Variants in SATB1 observed in about 807,000 individuals in gnomAD.
SATB1 encodes the protein SATB homeobox 1.
In SATB1, 11 loss-of-function variants were observed where a neutral mutation model predicts 86.9. The observed-to-expected ratio is 0.13, with a 90% CI of 0.08 to 0.21. The LOEUF is 0.21. Among genes scored for constraint, SATB1 ranks in the 10% least tolerant of loss-of-function variants. The pLI is 1.00. For synonymous variants in SATB1, 357 were observed against 357.2 expected (o/e 1.00, Z 0.01); for missense variants, 551 against 937.6 (o/e 0.59, Z 5.39).
chr3:18,355,469 CAAGTGATA>C (rs1439692474), intron 9 of SATB1, among the ~76,000 whole-genome samples: 6 of 151,944 alleles, frequency 3.9e-5, no homozygotes, highest in African/African-American at 1.4e-4. Context: ...CAGTTTTCCA[CAAGTGATA>C]TTGTTAGAAC....
chr3:18,431,471 T>C (rs1001727625), intron 2 of SATB1, among the ~76,000 whole-genome samples: 2 of 152,154 alleles, frequency 1.3e-5, no homozygotes, highest in Non-Finnish European at 2.9e-5. Flanking sequence ...CCTTTGACAG[T>C]CTTAGGACGT....
chr3:18,440,989 T>TA (rs1215436683), upstream of SATB1, among the ~76,000 whole-genome samples: 1 of 152,212 alleles, frequency 6.6e-6, no homozygotes, highest in Non-Finnish European at 1.5e-5. Context: ...ATTTGTTAAT[T>TA]AAAAGCACCT....
In SATB1 at chr3:18,349,481, T is replaced by C; in HGVS notation, c.1981A>G (p.Ser661Gly). ...ISVEALGILQSFIQDVGLYPD... is the reference protein window; with the variant it reads ...ISVEALGILQGFIQDVGLYPD... ...TACAGGCCCACGTCTTGTATGAAAC[T>C]CTGGAGGATTCCCAAGGCTTCCACT... is the stretch of plus-strand genomic sequence containing the variant. The change falls in exon 11 of 11, where the codon AGT (serine) becomes GGT (glycine). Residue 661 changes from serine to glycine, a missense_variant. Ser to Gly is a moderately conservative substitution (Grantham distance 56). Around this residue, in one of 8 missense-constraint regions of SATB1, gnomAD observed 33 missense variants for 85.4 expected, o/e 0.39. Coordinates refer to ENST00000338745, the MANE Select transcript of SATB1 (RefSeq NM_002971.6). The surrounding 1 kb of genome is among the most constrained non-coding windows in gnomAD (Gnocchi z 5.5). 1 of 1,614,146 alleles carries C rather than the reference T, an allele frequency of 6.2e-7. No individual in the cohort carries two copies. The highest frequency in any genetic ancestry group is 8.5e-7 in the Non-Finnish European group (1 of 1,180,030).
chr3:18,380,437 A>AT (rs533979818), intron 8 of SATB1, among the ~76,000 whole-genome samples: 9,363 of 148,918 alleles, frequency 0.063, 770 homozygotes, highest in African/African-American at 0.19. Flanking sequence ...TCTTTGGTTA[A>AT]TTTTTTTTTT....
chr3:18,386,644 C>T lies in SATB1; in HGVS notation c.1207-33G>A, dbSNP rs750941622. The T allele has an allele frequency of 2.6e-6, 4 of 1,566,288 alleles. No homozygotes were observed. Among genetic ancestry groups the T allele is most frequent in the African/African-American group, 1.3e-5 (1 of 74,120 alleles). ...AAATGAAAGGCACAGGGTGAGCCTGCTGCCTTGCTTTGCCTGGCCAGCAGT... is the reference window on the plus strand; with the variant it reads ...AAATGAAAGGCACAGGGTGAGCCTGTTGCCTTGCTTTGCCTGGCCAGCAGT... On this transcript the variant is annotated intron_variant, in intron 7 of 10. Coordinates refer to ENST00000338745, the MANE Select transcript of SATB1 (RefSeq NM_002971.6). The surrounding 1 kb of genome is among the most constrained non-coding windows in gnomAD (Gnocchi z 4.5).
At chr3:18,442,947 G>A (rs977091127), upstream of SATB1, among the ~76,000 whole-genome samples, 2 of 152,132 alleles carry the variant, frequency 1.3e-5, no homozygotes, top group African/African-American at 4.8e-5. Flanking sequence ...GAGGACTACT[G>A]CTAAATCATA....
At chr3:18,373,200 T>G (rs1364655211) in intron 9 of SATB1, among the ~76,000 whole-genome samples, 1 of 152,162 alleles carries the variant, frequency 6.6e-6, no homozygotes, top group Admixed American at 6.5e-5. Context: ...AAGGGGCTCT[T>G]AGGCCACAAT....
rs1486970465 is a variant in SATB1 at position 18,346,926 on chromosome 3, T to C, written c.*2244A>G. On this transcript the variant is annotated 3_prime_UTR_variant, in exon 11 of 11. Coordinates refer to ENST00000338745, the MANE Select transcript of SATB1 (RefSeq NM_002971.6). Reference sequence around the variant, plus strand: ...ATTCAAATTCCTTTGGCTCAAATTATTACTTTTCTGAACTCTAGTGAGCCA... The same window carrying C: ...ATTCAAATTCCTTTGGCTCAAATTACTACTTTTCTGAACTCTAGTGAGCCA... 2.0e-5 allele frequency: 3 copies of C among 152,152 alleles called. No homozygotes were observed. Among genetic ancestry groups the C allele is most frequent in the Non-Finnish European group, 4.4e-5 (3 of 68,012 alleles). 9.4% of individuals were successfully genotyped at this position (152,152 alleles called of 1,614,324 possible).
At chr3:18,378,119 T>C (rs751186327) in intron 9 of SATB1, 51 bp downstream of exon 9, 2 of 1,463,942 alleles carry the variant, frequency 1.4e-6, no homozygotes, top group Middle Eastern at 1.8e-4. Flanking sequence ...TTAATGAAAA[T>C]TCTACAGGCA....
At chr3:18,362,877 A>AC (rs1694983135) in intron 9 of SATB1, among the ~76,000 whole-genome samples, 1 of 147,988 alleles carries the variant, frequency 6.8e-6, no homozygotes, top group Admixed American at 6.7e-5. Context: ...AAAAAAAAAA[A>AC]AAAACCAAAA....
At chr3:18,370,115 G>A (rs549484498) in intron 9 of SATB1, among the ~76,000 whole-genome samples, 3 of 152,218 alleles carry the variant, frequency 2.0e-5, no homozygotes, top group Admixed American at 6.5e-5. Flanking sequence ...TTTTCCCGGC[G>A]TATTTGGCTG....
chr3:18,369,872 G>C (rs1438558658), intron 9 of SATB1, among the ~76,000 whole-genome samples: 1 of 152,220 alleles, frequency 6.6e-6, no homozygotes, highest in Non-Finnish European at 1.5e-5. Context: ...AATTATGACA[G>C]ATCTGATTAA....
intron 9 of SATB1, among the ~76,000 whole-genome samples, chr3:18,357,608 T>C (rs1230704628): frequency 1.3e-5 from 2 of 150,958 alleles, no homozygotes; most frequent in Non-Finnish European, 3.0e-5. Context: ...ATCAGTGTGT[T>C]CTACAAGCTG....
intron 5 of SATB1, among the ~76,000 whole-genome samples, chr3:18,407,800 T>C (rs9849274): frequency 0.035 from 5,354 of 152,040 alleles, 236 homozygotes; most frequent in African/African-American, 0.097. Context: ...AACAGTCCCA[T>C]TAAAAAGTAA....
Position 18,405,420 on chromosome 3 carries a change from CA to C in SATB1, c.640-8131del, listed in dbSNP as rs1272504398. Among the ~76,000 whole-genome samples the C allele has an allele frequency of 2.6e-5, 4 of 151,778 alleles. No homozygotes were observed. In the East Asian group the frequency reaches 7.8e-4, roughly 30 times the overall value. On this transcript the variant is annotated intron_variant, in intron 5 of 10. Coordinates refer to ENST00000338745, the MANE Select transcript of SATB1 (RefSeq NM_002971.6). ...AATAGAGCCTTTTAAAAAAACAAAA[CA>C]AAACCAAAAAACCCTTAAACCACAG... is the stretch of plus-strand genomic sequence containing the variant.
chr3:18,417,116 C>T, intron 2 of SATB1, 38 bp from the exon 3 acceptor site: 2 of 1,595,142 alleles, frequency 1.3e-6, no homozygotes, highest in Non-Finnish European at 1.7e-6. Context: ...GGAAAACCAA[C>T]AATCTTCAGA....
chr3:18,370,515 C>CAAAAAAAAAAAAAAAAAAAAGAAAGAAA (rs1695420480), intron 9 of SATB1, among the ~76,000 whole-genome samples: 1 of 49,442 alleles, frequency 2.0e-5, no homozygotes, highest in Non-Finnish European at 3.5e-5. Context: ...CTGAGAGAGG[C>CAAAAAAAAAAAAAAAAAAAAGAAAGAAA]AAAAAAAAAA....
chr3:18,405,847 A>G (rs923549976), intron 5 of SATB1, among the ~76,000 whole-genome samples: 1 of 152,016 alleles, frequency 6.6e-6, no homozygotes, highest in African/African-American at 2.4e-5. Flanking sequence ...CAGCTTTTAG[A>G]TAAGACTTCC....
At chr3:18,432,050 T>C (rs936273172) in intron 2 of SATB1, among the ~76,000 whole-genome samples, 1 of 152,178 alleles carries the variant, frequency 6.6e-6, no homozygotes, top group Non-Finnish European at 1.5e-5. Flanking sequence ...TTTCCTCTAA[T>C]TCTTTTTTCA....
Sources: allele counts gnomAD v4.1 joint callset (sites outside exome capture counted in the v4.1 genomes callset), GRCh38; gene constraint gnomAD v4.1.1; regional missense constraint gnomAD v4.1.1; non-coding constraint Gnocchi (gnomAD v3.1); transcripts MANE v1.5; gene names NCBI Gene and HGNC (gene_info 2026-07-23, HGNC 2026-07-21).